The following CADM2 variants were observed in gnomAD, a reference collection of about 807,000 sequenced individuals.
CADM2 encodes immunoglobulin superfamily member 4D.
A neutral mutation model predicts 49.8 loss-of-function variants in CADM2; 12 were observed. The ratio of observed to expected loss-of-function variants is 0.24; its 90% CI spans 0.15 to 0.39. The LOEUF is 0.39. Ranked by LOEUF, CADM2 falls within the 10% of genes least tolerant of loss-of-function variation. The pLI is 1.00. For missense variants in CADM2, 378 were observed against 492.3 expected, an observed-to-expected ratio of 0.77 and a Z score of 2.20; for synonymous variants, 214 against 175.4, an observed-to-expected ratio of 1.22 and a Z score of -1.74.
intron 1 of CADM2, among the ~76,000 whole-genome samples, chr3:85,494,989 T>C (rs1225297133): frequency 6.6e-6 from 1 of 152,222 alleles, no homozygotes; most frequent in Non-Finnish European, 1.5e-5. Context: ...ATAATGTGTG[T>C]CAATTACCAG....
At chr3:85,422,319 C>T (rs2036208958) in intron 1 of CADM2, among the ~76,000 whole-genome samples, 1 of 152,012 alleles carries the variant, frequency 6.6e-6, no homozygotes, top group African/African-American at 2.4e-5. Flanking sequence ...TCTCTGTCGC[C>T]CAGGCTGGAG....
intron 2 of CADM2, among the ~76,000 whole-genome samples, chr3:85,749,989 G>A (rs1164612570): frequency 6.6e-6 from 1 of 151,980 alleles, no homozygotes; most frequent in Non-Finnish European, 1.5e-5. Flanking sequence ...ATGATCACGT[G>A]TATGGTCAAC....
chr3:85,076,189 T>C (rs533666678), intron 1 of CADM2, among the ~76,000 whole-genome samples: 89 of 152,112 alleles, frequency 5.9e-4, no homozygotes, highest in Non-Finnish European at 9.9e-4. Flanking sequence ...AAGAGAAAAT[T>C]AAGGCATTAA....
chr3:84,993,812 T>G lies in CADM2; in HGVS notation c.61+34144T>G, dbSNP rs541073137. The stretch of plus-strand genomic sequence containing the variant: ...CTTTTTTCCTACTATTGTCTCTAAA[T>G]GGATCTCAGCGTGACAATAAATACT... On this transcript the variant is annotated intron_variant, in intron 1 of 9. Coordinates refer to ENST00000383699, the MANE Select transcript of CADM2 (RefSeq NM_001167675.2). Among the ~76,000 whole-genome samples the G allele has an allele frequency of 2.0e-5, 3 of 151,586 alleles. No homozygotes were observed. In the Admixed American group the frequency reaches 2.0e-4, roughly 10 times the overall value.
chr3:85,184,790 T>A (rs1193288044), intron 1 of CADM2, among the ~76,000 whole-genome samples: 8 of 152,078 alleles, frequency 5.3e-5, no homozygotes, highest in Non-Finnish European at 1.5e-5. Context: ...AGTAAGAAAT[T>A]CTAATTTTTG....
intron 1 of CADM2, among the ~76,000 whole-genome samples, chr3:85,101,530 G>A (rs887786746): frequency 6.6e-5 from 10 of 152,082 alleles, no homozygotes; most frequent in Non-Finnish European, 1.2e-4. Context: ...TATCATGCAT[G>A]AACATGTTTC....
At chr3:85,875,045 C>T (rs914239417) in intron 3 of CADM2, among the ~76,000 whole-genome samples, 2 of 152,082 alleles carry the variant, frequency 1.3e-5, no homozygotes, top group Admixed American at 6.6e-5. Flanking sequence ...TTTTAAAACT[C>T]CATTTACTAT....
rs914055658 is a variant in CADM2, at chr3:86,067,962, C to T, written c.*1179C>T. The T allele has an allele frequency of 6.6e-6, 1 of 152,408 alleles. No individual in the cohort carries two copies. Among genetic ancestry groups the T allele is most frequent in the South Asian group, 2.1e-4 (1 of 4,834 alleles). 9.4% of individuals were successfully genotyped at this position (152,408 alleles called of 1,614,324 possible). Reference sequence around the variant, plus strand: ...GTGCACAGCCTCAGGTTTTAAATTACAACCACAGTTGAATAATAACCTAAA... The same window carrying T: ...GTGCACAGCCTCAGGTTTTAAATTATAACCACAGTTGAATAATAACCTAAA... On this transcript the variant is annotated 3_prime_UTR_variant, in exon 10 of 10. Coordinates refer to ENST00000383699, the MANE Select transcript of CADM2 (RefSeq NM_001167675.2).
intron 5 of CADM2, among the ~76,000 whole-genome samples, chr3:85,907,541 A>C (rs1577627604): frequency 1.3e-5 from 2 of 152,290 alleles, no homozygotes; most frequent in Admixed American, 1.3e-4. Context: ...ATGGATTAAA[A>C]AGAACTGGCC....
At chr3:85,855,039 T>G (rs758241002) in intron 3 of CADM2, among the ~76,000 whole-genome samples, 5 of 152,166 alleles carry the variant, frequency 3.3e-5, no homozygotes, top group Non-Finnish European at 7.4e-5. Flanking sequence ...CAAAGGTCTC[T>G]TGCCTTCCAT....
chr3:85,358,468 A>G (rs1281686277), intron 1 of CADM2, among the ~76,000 whole-genome samples: 1 of 152,148 alleles, frequency 6.6e-6, no homozygotes, highest in Non-Finnish European at 1.5e-5. Flanking sequence ...GGTGATGGGC[A>G]GAACAGCAAA....
intron 2 of CADM2, among the ~76,000 whole-genome samples, chr3:85,764,306 T>A (rs766274309): frequency 4.6e-5 from 7 of 152,122 alleles, no homozygotes; most frequent in Non-Finnish European, 1.0e-4. Flanking sequence ...ATTAATAATG[T>A]GACTGAATTA....
chr3:85,036,735 T>A (rs932023052), intron 1 of CADM2, among the ~76,000 whole-genome samples: 1 of 152,170 alleles, frequency 6.6e-6, no homozygotes, highest in African/African-American at 2.4e-5. Context: ...TAGTTATGTC[T>A]CTTATAACAA....
chr3:86,045,909 C>T (rs937672800), intron 8 of CADM2, among the ~76,000 whole-genome samples: 1 of 152,088 alleles, frequency 6.6e-6, no homozygotes, highest in Non-Finnish European at 1.5e-5. Context: ...CTTTTTTGTC[C>T]TCTTTCACAA....
intron 1 of CADM2, among the ~76,000 whole-genome samples, chr3:85,250,248 A>G (rs1262367765): frequency 6.6e-6 from 1 of 151,648 alleles, no homozygotes; most frequent in African/African-American, 2.4e-5. Context: ...TTAAAAGTCA[A>G]TAGTAAATGG....
At chr3:85,811,862 T>G (rs75936900) in intron 3 of CADM2, among the ~76,000 whole-genome samples, 1 of 151,690 alleles carries the variant, frequency 6.6e-6, no homozygotes, top group African/African-American at 2.4e-5. Flanking sequence ...TTGATGTTTT[T>G]TTTTTTTTTT....
intron 1 of CADM2, among the ~76,000 whole-genome samples, chr3:85,372,214 G>T (rs911541929): frequency 4.0e-5 from 6 of 151,792 alleles, no homozygotes; most frequent in Admixed American, 1.3e-4. Context: ...AATATATTTT[G>T]ACAATATACA....
At chr3:85,463,927 A>G (rs893518116) in intron 1 of CADM2, among the ~76,000 whole-genome samples, 3 of 152,130 alleles carry the variant, frequency 2.0e-5, no homozygotes, top group African/African-American at 7.2e-5. Flanking sequence ...TCATAGATCC[A>G]AGGTTATTGG....
chr3:86,045,964 G>A (rs1047592209), intron 8 of CADM2, among the ~76,000 whole-genome samples: 3 of 152,086 alleles, frequency 2.0e-5, no homozygotes, highest in Non-Finnish European at 2.9e-5. Context: ...TGTTAGCATA[G>A]CCTCATTTTT....
Sources: allele counts gnomAD v4.1 joint callset (sites outside exome capture counted in the v4.1 genomes callset), GRCh38; gene constraint gnomAD v4.1.1; transcripts MANE v1.5; gene names NCBI Gene and HGNC (gene_info 2026-07-23, HGNC 2026-07-21).